GIGYF2: variants seen among roughly 807,000 people sequenced by gnomAD.
The protein encoded by GIGYF2 is GRB10 interacting GYF protein 2.
In GIGYF2, 25 loss-of-function variants were observed where a neutral mutation model predicts 208.1. The observed-to-expected ratio is 0.12, with a 90% confidence interval of 0.09 to 0.17. The LOEUF is 0.17. GIGYF2 is among the 10% of genes least tolerant of loss of function. The pLI is 1.00. For missense variants in GIGYF2, 1,302 were observed against 1,579.4 expected, an observed-to-expected ratio of 0.82 and a Z score of 2.98; for synonymous variants, 534 against 543.8, an observed-to-expected ratio of 0.98 and a Z score of 0.25.
Position 232,794,828 on chromosome 2 carries a change from G to T in GIGYF2, c.1363G>T (p.Val455Phe). Residue 455 changes from valine (V) to phenylalanine (F), a missense_variant, in exon 13 of 29, where the codon GTT (valine) becomes TTT (phenylalanine). Coordinates refer to ENST00000373563, the MANE Select transcript of GIGYF2 (RefSeq NM_001103146.3). ...ASPLLILPPP[V>F]PNPSPTLRPV... is the part of the protein sequence containing the mutation. The stretch of plus-strand genomic sequence containing the variant: ...TCCTCTTCTCATACTTCCACCTCCT[G>T]TTCCCAATCCTAGTCCTACTCTCCG... The T allele has an allele frequency of 6.2e-7, 1 of 1,613,728 alleles. No homozygotes were observed. Among genetic ancestry groups the T allele is most frequent in the Non-Finnish European group, 8.5e-7 (1 of 1,179,740 alleles).
chr2:232,701,253 A>G (rs1695826786), intron 1 of GIGYF2, among the ~76,000 whole-genome samples: 1 of 151,850 alleles, frequency 6.6e-6, no homozygotes, highest in South Asian at 2.1e-4. Flanking sequence ...ATGGGGTTTC[A>G]TTAAGCTTAA....
intron 14 of GIGYF2, among the ~76,000 whole-genome samples, chr2:232,798,359 C>G (rs1395185659): frequency 6.6e-6 from 1 of 152,184 alleles, no homozygotes; most frequent in Non-Finnish European, 1.5e-5. Context: ...ATGAATAAAG[C>G]TGCTATAAAC....
chr2:232,768,333 T>C, intron 8 of GIGYF2: 1 of 1,614,206 alleles, frequency 6.2e-7, no homozygotes, highest in Non-Finnish European at 8.5e-7. Context: ...ATTCTCCATC[T>C]TGATTTGATA....
At chr2:232,785,390 A>G (rs1471043459) in intron 8 of GIGYF2, among the ~76,000 whole-genome samples, 2 of 152,142 alleles carry the variant, frequency 1.3e-5, no homozygotes, top group Admixed American at 1.3e-4. Context: ...CTCAAAGCTC[A>G]ACTGGGGTTT....
At chr2:232,714,952 A>G (rs1429110202) in intron 2 of GIGYF2, among the ~76,000 whole-genome samples, 1 of 152,058 alleles carries the variant, frequency 6.6e-6, no homozygotes, top group African/African-American at 2.4e-5. Flanking sequence ...CCACCCTCTG[A>G]GAGGCCTCAG....
At chr2:232,809,893 C>T (rs1700678985) in intron 16 of GIGYF2, 82 bp downstream of exon 16, 1 of 850,424 alleles carries the variant, frequency 1.2e-6, no homozygotes, top group Non-Finnish European at 2.1e-6. Context: ...TCACCTTTTA[C>T]AGTAGAGAGG....
intron 21 of GIGYF2, among the ~76,000 whole-genome samples, chr2:232,832,319 T>C (rs1701444413): frequency 6.6e-6 from 1 of 152,052 alleles, no homozygotes; most frequent in African/African-American, 2.4e-5. Context: ...AGAAGGAAAA[T>C]GAGCCCAGGT....
At chr2:232,814,503 C>T (rs1262840500) in intron 18 of GIGYF2, among the ~76,000 whole-genome samples, 2 of 142,908 alleles carry the variant, frequency 1.4e-5, no homozygotes, top group African/African-American at 5.2e-5. Context: ...GCGGAGGTTG[C>T]AGTGAGCCGA....
At chr2:232,822,804 C>T (rs1701133114) in intron 21 of GIGYF2, among the ~76,000 whole-genome samples, 1 of 152,112 alleles carries the variant, frequency 6.6e-6, no homozygotes, top group Admixed American at 6.5e-5. Context: ...CAACTTAGTA[C>T]CTCCAATAGT....
At chr2:232,803,407 T>C (rs1373802107) in intron 14 of GIGYF2, among the ~76,000 whole-genome samples, 1 of 152,178 alleles carries the variant, frequency 6.6e-6, no homozygotes, top group Non-Finnish European at 1.5e-5. Flanking sequence ...ACACTTTGCC[T>C]AGCTTTAGAT....
chr2:232,743,600 C>A (rs2106307259), intron 3 of GIGYF2, among the ~76,000 whole-genome samples: 2 of 152,268 alleles, frequency 1.3e-5, no homozygotes, highest in South Asian at 4.1e-4. Flanking sequence ...GTCTATCATT[C>A]CCTTCTTTGT....
At chr2:232,748,432 G>T (rs1345517910) in intron 4 of GIGYF2, among the ~76,000 whole-genome samples, 2 of 152,064 alleles carry the variant, frequency 1.3e-5, no homozygotes, top group Non-Finnish European at 2.9e-5. Context: ...ATAGATATGC[G>T]TTCCCACGCT....
intron 8 of GIGYF2, among the ~76,000 whole-genome samples, chr2:232,777,750 G>A (rs1699573286): frequency 6.6e-6 from 1 of 151,970 alleles, no homozygotes. Context: ...TATAAAGAAG[G>A]ATTTGTGGTG....
chr2:232,752,801 A>G (rs993267075), intron 5 of GIGYF2, among the ~76,000 whole-genome samples: 30 of 152,134 alleles, frequency 2.0e-4, no homozygotes, highest in Non-Finnish European at 2.9e-4. Flanking sequence ...CGGCCTCCCA[A>G]AGTGCTGGGA....
intron 2 of GIGYF2, 24 bp from the exon 3 acceptor site, chr2:232,735,131 T>G (rs552906033): frequency 1.2e-5 from 12 of 1,000,960 alleles, no homozygotes; most frequent in Non-Finnish European, 1.8e-5. Context: ...ACTAATAGTA[T>G]GGAGATATTT....
chr2:232,723,432 CTT>C (rs371379851), intron 2 of GIGYF2, among the ~76,000 whole-genome samples: 16 of 135,062 alleles, frequency 1.2e-4, no homozygotes, highest in Admixed American at 3.7e-4. Context: ...CTTTTCTTTT[CTT>C]TTTTTTTTTT....
chr2:232,851,787 A>G (rs1052721508), intron 28 of GIGYF2, among the ~76,000 whole-genome samples: 2 of 152,356 alleles, frequency 1.3e-5, no homozygotes, highest in East Asian at 3.9e-4. Flanking sequence ...GCAATAGAAT[A>G]CATTCGCAAG....
chr2:232,715,962 T>C (rs1039958312), intron 2 of GIGYF2, among the ~76,000 whole-genome samples: 1 of 152,170 alleles, frequency 6.6e-6, no homozygotes, highest in African/African-American at 2.4e-5. Context: ...TTAAAATACA[T>C]TTTGTTATAA....
At chr2:232,701,410 G>A (rs187741244) in intron 1 of GIGYF2, among the ~76,000 whole-genome samples, 6 of 150,056 alleles carry the variant, frequency 4.0e-5, no homozygotes, top group African/African-American at 1.2e-4. Flanking sequence ...GCACCGCTGC[G>A]CTCCAGCCTA....
Sources: gnomAD v4.1 joint callset for allele counts (sites outside exome capture counted in the v4.1 genomes callset) on GRCh38, gnomAD v4.1.1 for gene constraint, MANE v1.5 for transcripts, NCBI Gene and HGNC (gene_info 2026-07-23, HGNC 2026-07-21) for gene names.